Variants in RUBCNL observed in about 807,000 individuals in gnomAD.
RUBCNL encodes the protein rubicon like autophagy enhancer, also known as protein associated with UVRAG as autophagy enhancer.
In RUBCNL, 62 loss-of-function variants were observed where a neutral mutation model predicts 69.5. That is an observed-to-expected ratio of 0.89 (90% CI 0.73 to 1.10). RUBCNL has a LOEUF of 1.10. RUBCNL is among the 50% of genes least tolerant of loss of function. RUBCNL has a pLI of 0.00. For synonymous variants in RUBCNL, 291 were observed against 303.6 expected (o/e 0.96, Z 0.43); for missense variants, 768 against 798.1 (o/e 0.96, Z 0.45).
intron 2 of RUBCNL, among the ~76,000 whole-genome samples, chr13:46,376,389 A>G (rs560114895): frequency 1.3e-5 from 2 of 152,286 alleles, no homozygotes; most frequent in East Asian, 3.8e-4. Flanking sequence ...TAACATACAT[A>G]TATAAACATA....
At position 46,335,106 on chromosome 13, in the gene RUBCNL, C is replaced by T. The variant is rs190557831; in HGVS notation, c.*8279G>A. Among the ~76,000 whole-genome samples the T allele has an allele frequency of 6.6e-6, 1 of 151,912 alleles. No homozygotes were observed. The highest frequency in any genetic ancestry group is 1.5e-5 in the Non-Finnish European group (1 of 67,976). On this transcript the variant is annotated 3_prime_UTR_variant, in exon 15 of 15. Coordinates refer to ENST00000429979, the MANE Select transcript of RUBCNL (RefSeq NM_025113.5). ...TTGAGATGGGGTCTCACTCTGTCAC[C>T]CAGGCTGGAATGCAGTGGCGGGATC...
At chr13:46,387,701 G>C (rs1041891490), upstream of RUBCNL, 6 of 985,604 alleles carry the variant, frequency 6.1e-6, no homozygotes, top group Non-Finnish European at 4.8e-6. Flanking sequence ...GTCTCTCTCT[G>C]ACCTCTGCTG....
intron 12 of RUBCNL, among the ~76,000 whole-genome samples, chr13:46,346,637 T>G (rs1166899662): frequency 6.6e-6 from 1 of 152,160 alleles, no homozygotes; most frequent in Non-Finnish European, 1.5e-5. Context: ...ACCGAGGCCC[T>G]GAGACCAATG....
At chr13:46,359,698 C>A in intron 8 of RUBCNL, 67 bp from the exon 9 acceptor site, 1 of 1,350,020 alleles carries the variant, frequency 7.4e-7, no homozygotes, top group Non-Finnish European at 9.9e-7. Flanking sequence ...ATTAAAGAAA[C>A]ATCTAAATGT....
In RUBCNL at chr13:46,345,575, G is replaced by A. The variant is rs754683964; in HGVS notation, c.1657C>T (p.Pro553Ser). ...NSALKEFEQV[P>S]GHLTDELHLF... ...TGGAGCTCATCAGTCAAGTGTCCCG[G>A]CACCTGCTCGAACTCCTTTAATGCA... The change falls in exon 13 of 15, where the codon CCG becomes TCG. Residue 553 changes from proline (P) to serine (S), a missense_variant. Pro to Ser is a moderately conservative substitution (Grantham distance 74, BLOSUM62 -1). Coordinates refer to ENST00000429979, the MANE Select transcript of RUBCNL (RefSeq NM_025113.5). 2 of 1,613,620 alleles carry A rather than the reference G, an allele frequency of 1.2e-6. No individual in the cohort carries two copies. Among genetic ancestry groups the A allele is most frequent in the Non-Finnish European group, 8.5e-7 (1 of 1,179,776 alleles).
chr13:46,384,441 T>C (rs1011330226), intron 1 of RUBCNL, among the ~76,000 whole-genome samples: 2 of 152,224 alleles, frequency 1.3e-5, no homozygotes, highest in Admixed American at 6.5e-5. Flanking sequence ...ATTCTTCTTA[T>C]ACTTACTCTA....
chr13:46,354,991 G>A (rs2048452925), intron 10 of RUBCNL: 2 of 339,112 alleles, frequency 5.9e-6, no homozygotes, highest in Admixed American at 3.6e-5. Flanking sequence ...CCCACTAGAT[G>A]TGCTGGGAAA....
Position 46,335,197 on chromosome 13 carries a change from TG to T in RUBCNL, c.*8187del, listed in dbSNP as rs2048096124. ...CTCCCACCTCAGCCTCCTGGGTAGCTGGGAATACTGGCACACACCATTGTGC... is the reference window on the plus strand; with the variant it reads ...CTCCCACCTCAGCCTCCTGGGTAGCTGGAATACTGGCACACACCATTGTGC... On this transcript the variant is annotated 3_prime_UTR_variant, in exon 15 of 15. Transcript: ENST00000429979. Among the ~76,000 whole-genome samples, 1 of 151,240 alleles carries T rather than the reference TG, an allele frequency of 6.6e-6. No individual in the cohort carries two copies. Among genetic ancestry groups the T allele is most frequent in the Non-Finnish European group, 1.5e-5 (1 of 67,952 alleles).
intron 5 of RUBCNL, among the ~76,000 whole-genome samples, chr13:46,367,294 C>A (rs1436799074): frequency 6.6e-6 from 1 of 152,144 alleles, no homozygotes; most frequent in Non-Finnish European, 1.5e-5. Context: ...AAGGAGCACA[C>A]CCTGCATACT....
Position 46,350,243 on chromosome 13 carries a change from T to C in RUBCNL, c.1439A>G (p.Asp480Gly). 6.3e-7 allele frequency: 1 copy of C among 1,591,936 alleles called. No individual in the cohort carries two copies. Among genetic ancestry groups the C allele is most frequent in the South Asian group, 1.1e-5 (1 of 87,508 alleles). Residue 480 changes from aspartate (D) to glycine (G), a missense_variant, in exon 11 of 15, where the codon GAC (aspartate) becomes GGC (glycine). Asp to Gly is a moderately conservative substitution (Grantham distance 94, BLOSUM62 -1). Transcript: ENST00000429979. ...CIPARILMMWDFKKYYVSNFS... is the reference protein window; with the variant it reads ...CIPARILMMWGFKKYYVSNFS... ...ATTGCTGACGTAGTACTTCTTGAAG[T>C]CCCACATCATCAGGATTCGGGCAGG...
chr13:46,352,562 T>C (rs2048393466), intron 10 of RUBCNL, among the ~76,000 whole-genome samples: 1 of 152,056 alleles, frequency 6.6e-6, no homozygotes, highest in Non-Finnish European at 1.5e-5. Flanking sequence ...CGCAGCACTT[T>C]GGGAGGCCGA....
chr13:46,385,313 G>GA (rs2049214953), intron 1 of RUBCNL: 2 of 966,754 alleles, frequency 2.1e-6, no homozygotes, highest in African/African-American at 1.8e-5. Context: ...TAATTAAAAA[G>GA]AAAAAACAAT....
chr13:46,349,314 G>A lies in RUBCNL; in HGVS notation c.1603C>T (p.Leu535=), dbSNP rs918023875. 4.3e-6 allele frequency: 7 copies of A among 1,613,650 alleles called. No homozygotes were observed. The African/African-American group carries it at 5.3e-5, about 12-fold the overall frequency. The part of the protein sequence containing the change: ...IQEQLFHIKK[L]LKTCRFANSA... Reference sequence around the variant, plus strand: ...TTAGCAAACCTACAGGTCTTCAACAGCTTCTTGATATGGAAGAGCTGCTCC... The same window carrying A: ...TTAGCAAACCTACAGGTCTTCAACAACTTCTTGATATGGAAGAGCTGCTCC... The change falls in exon 12 of 15, where the codon CTG becomes TTG. Residue 535 remains leucine (L), a synonymous_variant. Coordinates refer to ENST00000429979, the MANE Select transcript of RUBCNL (RefSeq NM_025113.5).
At chr13:46,349,643 T>C (rs2048325933) in intron 11 of RUBCNL, among the ~76,000 whole-genome samples, 1 of 151,612 alleles carries the variant, frequency 6.6e-6, no homozygotes, top group Non-Finnish European at 1.5e-5. Flanking sequence ...AAAGAGCCTG[T>C]GCAGGAGAGG....
intron 10 of RUBCNL, among the ~76,000 whole-genome samples, chr13:46,355,223 C>T (rs948347287): frequency 7.9e-5 from 12 of 152,150 alleles, no homozygotes; most frequent in Non-Finnish European, 1.5e-4. Context: ...CATACAGGTA[C>T]CATCAGAGCA....
intron 13 of RUBCNL, 69 bp from the exon 14 acceptor site, chr13:46,344,900 A>G (rs2048211803): frequency 1.1e-6 from 1 of 950,622 alleles, no homozygotes; most frequent in Non-Finnish European, 1.7e-6. Context: ...ACTATTACAG[A>G]ACTTTATAAA....
upstream of RUBCNL, among the ~76,000 whole-genome samples, chr13:46,388,305 A>AGGGAGGGAGGAAGGAAGGAAG (rs1450896594): frequency 7.2e-6 from 1 of 139,140 alleles, no homozygotes; most frequent in Admixed American, 7.1e-5. Context: ...GAGGGAGGGA[A>AGGGAGGGAGGAAGGAAGGAAG]GAAGGAAGGA....
intron 5 of RUBCNL, 68 bp downstream of exon 5, chr13:46,367,974 G>A (rs2138784625): frequency 7.0e-7 from 1 of 1,430,658 alleles, no homozygotes; most frequent in East Asian, 2.3e-5. Flanking sequence ...CCGTGGATAA[G>A]GGGTAATTAT....
intron 1 of RUBCNL, among the ~76,000 whole-genome samples, chr13:46,383,092 T>C (rs972575055): frequency 2.0e-5 from 3 of 152,270 alleles, no homozygotes; most frequent in Admixed American, 6.5e-5. Flanking sequence ...ACTGGCCATG[T>C]TGATAACTGC....
Sources: gnomAD v4.1 joint callset for allele counts (sites outside exome capture counted in the v4.1 genomes callset) on GRCh38, gnomAD v4.1.1 for gene constraint, MANE v1.5 for transcripts, NCBI Gene and HGNC (gene_info 2026-07-23, HGNC 2026-07-21) for gene names.